EGLN3: variants seen among roughly 807,000 people sequenced by gnomAD.
EGLN3 encodes the protein prolyl hydroxylase EGLN3.
EGLN3 carries 15 observed loss-of-function variants against 26.0 expected under a neutral mutation model. The ratio of observed to expected loss-of-function variants is 0.58; its 90% CI spans 0.39 to 0.89. The LOEUF is 0.89. EGLN3 is among the 40% of genes least tolerant of loss of function. The pLI is 0.00. For missense variants in EGLN3, 238 were observed against 311.6 expected (o/e 0.76, Z 1.78); for synonymous variants, 147 against 127.2 (o/e 1.16, Z -1.05).
chr14:33,934,258 C>T (rs187830321), intron 1 of EGLN3, among the ~76,000 whole-genome samples: 95 of 152,206 alleles, frequency 6.2e-4, no homozygotes, highest in African/African-American at 1.1e-3. Context: ...TGAATCAGGC[C>T]GGCCCAGGCT....
At chr14:33,930,308 G>A (rs374541443) in intron 2 of EGLN3, among the ~76,000 whole-genome samples, 1 of 152,150 alleles carries the variant, frequency 6.6e-6, no homozygotes, top group African/African-American at 2.4e-5. Flanking sequence ...GAAGAGATAG[G>A]CCTTTTCACT....
At chr14:33,931,326 A>ACAGG in intron 1 of EGLN3, 111 bp from the exon 2 acceptor site, 1 of 1,507,764 alleles carries the variant, frequency 6.6e-7, no homozygotes, top group Admixed American at 2.0e-5. Context: ...CGTGACATTT[A>ACAGG]CAGGTAGTTG....
At chr14:33,930,997 A>G in intron 2 of EGLN3, 99 bp downstream of exon 2, 3 of 1,503,880 alleles carry the variant, frequency 2.0e-6, no homozygotes, top group Non-Finnish European at 2.7e-6. Context: ...AGTGGGAGAT[A>G]CGGCAACTAT....
Position 33,951,073 on chromosome 14 carries a change from A to G in EGLN3, c.-321T>C. 3.4e-6 allele frequency: 1 copy of G among 297,192 alleles called. No individual in the cohort carries two copies. The highest frequency in any genetic ancestry group is 6.2e-6 in the Non-Finnish European group (1 of 160,690). The allele number at this position is 297,192 out of a possible 1,614,324, so 18.4% of individuals were successfully genotyped here. On this transcript the variant is annotated 5_prime_UTR_variant, in exon 1 of 5. Coordinates refer to ENST00000250457, the MANE Select transcript of EGLN3 (RefSeq NM_022073.4). The stretch of plus-strand genomic sequence containing the variant: ...AGCCACCACTGCCGCGACTGCGGCC[A>G]GACTCCGGGAGACGCTGAGGTCCGG...
rs35056523 is a variant in EGLN3 at position 33,942,295 on chromosome 14, T to TAA, written c.357+8099_357+8100dup. Among the ~76,000 whole-genome samples, 64 of 140,050 alleles carry TAA rather than the reference T, an allele frequency of 4.6e-4. No individual in the cohort carries two copies. In the East Asian group the frequency reaches 6.5e-3, roughly 14 times the overall value. The allele number at this position is 140,050 out of a possible 152,430, so 91.9% of individuals were successfully genotyped here. The stretch of plus-strand genomic sequence containing the variant: ...ACTAAGAAAGGAAAGAAAGTTTAGT[T>TAA]AAAAAAAAAAAAAAGACAACTTGAG... On this transcript the variant is annotated intron_variant, in intron 1 of 4. Coordinates refer to ENST00000250457, the MANE Select transcript of EGLN3 (RefSeq NM_022073.4).
In EGLN3 at chr14:33,931,182, C is replaced by A; in HGVS notation, c.391G>T (p.Gly131Cys). 1 of 1,614,176 alleles carries A rather than the reference C, an allele frequency of 6.2e-7. No individual in the cohort carries two copies. Among genetic ancestry groups the A allele is most frequent in the Non-Finnish European group, 8.5e-7 (1 of 1,180,020 alleles). The change falls in exon 2 of 5, where the codon GGT becomes TGT. Residue 131 changes from glycine (G) to cysteine (C), a missense_variant. Physicochemically the swap from Gly to Cys is radical, Grantham distance 159 (BLOSUM62 -3). Coordinates refer to ENST00000250457, the MANE Select transcript of EGLN3 (RefSeq NM_022073.4). Reference sequence around the variant, plus strand: ...GGGTTGTCCACGTGGCGAACATAACCTGTTCCATTTCCCGGATAGCAAGCC... The same window carrying A: ...GGGTTGTCCACGTGGCGAACATAACATGTTCCATTTCCCGGATAGCAAGCC... ...MVACYPGNGTGYVRHVDNPNG... is the reference protein window; with the variant it reads ...MVACYPGNGTCYVRHVDNPNG...
chr14:33,928,903 T>G (rs2064381016), intron 3 of EGLN3, among the ~76,000 whole-genome samples, 173 bp downstream of exon 3: 1 of 152,246 alleles, frequency 6.6e-6, no homozygotes, highest in South Asian at 2.1e-4. Flanking sequence ...AGGTTTGATA[T>G]GCTAAAGAAC....
chr14:33,945,001 C>A (rs759769362), intron 1 of EGLN3, among the ~76,000 whole-genome samples: 27 of 152,310 alleles, frequency 1.8e-4, no homozygotes, highest in African/African-American at 4.6e-4. Context: ...AGACAAAAAA[C>A]CCCATGAAAA....
rs550869391 is a variant in EGLN3, at chr14:33,934,859, T to C, written c.358-3644A>G. On this transcript the variant is annotated intron_variant, in intron 1 of 4. Coordinates refer to ENST00000250457, the MANE Select transcript of EGLN3 (RefSeq NM_022073.4). The stretch of plus-strand genomic sequence containing the variant: ...TTAACTCACCAAATTAAAGTACTAA[T>C]TAGATCTCATTTTATTTGCAAAATT... 3.3e-5 allele frequency among the ~76,000 whole-genome samples: 5 copies of C among 152,378 alleles called. No individual in the cohort carries two copies. In the South Asian group the frequency reaches 1.0e-3, roughly 32 times the overall value.
chr14:33,925,647 T>A lies in EGLN3; in HGVS notation c.*244A>T, dbSNP rs542530721. ...TCTATCAGGTAAACCGCTGGCCGAG[T>A]AGGATGTCTGCAGGAATTTCTGGAG... On this transcript the variant is annotated 3_prime_UTR_variant, in exon 5 of 5. Coordinates refer to ENST00000250457, the MANE Select transcript of EGLN3 (RefSeq NM_022073.4). 3.7e-6 allele frequency: 2 copies of A among 533,510 alleles called. No individual in the cohort carries two copies. The highest frequency in any genetic ancestry group is 6.3e-5 in the East Asian group (2 of 31,790). 33.0% of individuals were successfully genotyped at this position (533,510 alleles called of 1,614,324 possible).
intron 1 of EGLN3, chr14:33,949,081 A>C (rs1447291356): frequency 1.3e-5 from 2 of 152,258 alleles, no homozygotes; most frequent in African/African-American, 4.8e-5. Flanking sequence ...AAAATTTAGA[A>C]AGCAGTATCT....
chr14:33,942,051 G>A (rs961419910), intron 1 of EGLN3, among the ~76,000 whole-genome samples: 11 of 152,232 alleles, frequency 7.2e-5, no homozygotes, highest in African/African-American at 1.9e-4. Context: ...TAATGAAGAA[G>A]GAGCATGGTT....
At position 33,925,617 on chromosome 14, in the gene EGLN3, C is replaced by T. The variant is rs2064356492; in HGVS notation, c.*274G>A. 4 of 464,998 alleles carry T rather than the reference C, an allele frequency of 8.6e-6. No individual in the cohort carries two copies. In the Admixed American group the frequency reaches 1.4e-4, roughly 16 times the overall value. The allele number at this position is 464,998 out of a possible 1,614,324, so 28.8% of individuals were successfully genotyped here. ...CTAGGCTCTTCTCTTGATAGTATTA[C>T]CGAATCTATCAGGTAAACCGCTGGC... On this transcript the variant is annotated 3_prime_UTR_variant, in exon 5 of 5. Transcript: ENST00000250457.
At chr14:33,938,256 G>A (rs1366039664) in intron 1 of EGLN3, among the ~76,000 whole-genome samples, 1 of 152,146 alleles carries the variant, frequency 6.6e-6, no homozygotes, top group Non-Finnish European at 1.5e-5. Flanking sequence ...CCTCCCCCAA[G>A]AAGCCACTGA....
Position 33,950,935 on chromosome 14 carries a change from G to A in EGLN3, c.-183C>T. The A allele has an allele frequency of 1.6e-6, 1 of 632,246 alleles. No homozygotes were observed. Among genetic ancestry groups the A allele is most frequent in the South Asian group, 1.9e-5 (1 of 52,062 alleles). The allele number at this position is 632,246 out of a possible 1,614,324, so 39.2% of individuals were successfully genotyped here. The stretch of plus-strand genomic sequence containing the variant: ...AGTTTCTCGCAACTCTCGGGAGAAG[G>A]GATCTGCCTTCGGGAACCAGCGGGA... On this transcript the variant is annotated 5_prime_UTR_variant, in exon 1 of 5. Coordinates refer to ENST00000250457, the MANE Select transcript of EGLN3 (RefSeq NM_022073.4).
chr14:33,925,788 G>T lies in EGLN3; in HGVS notation c.*103C>A. ...TGTGAAGGATGCAAGAAGTAGCAGGGAGATTGTTGTCACTGAAGAGGCCAT... is the reference window on the plus strand; with the variant it reads ...TGTGAAGGATGCAAGAAGTAGCAGGTAGATTGTTGTCACTGAAGAGGCCAT... On this transcript the variant is annotated 3_prime_UTR_variant, in exon 5 of 5. Coordinates refer to ENST00000250457, the MANE Select transcript of EGLN3 (RefSeq NM_022073.4). 7.6e-7 allele frequency: 1 copy of T among 1,317,306 alleles called. No individual in the cohort carries two copies. Among genetic ancestry groups the T allele is most frequent in the Non-Finnish European group, 1.1e-6 (1 of 915,854 alleles). 81.6% of individuals were successfully genotyped at this position (1,317,306 alleles called of 1,614,324 possible). A position where few individuals can be genotyped will look rare whatever the true frequency, so the allele number is the denominator to read the frequency against.
At position 33,931,126 on chromosome 14, in the gene EGLN3, G is replaced by T; in HGVS notation, c.447C>A (p.Ile149=). ...PNGDGRCITC[I]YYLNKNWDAK... ...CATCCCAATTCTTGTTCAGATAGTA[G>T]ATGCAGGTGATGCAGCGACCATCAC... The change falls in exon 2 of 5, where the codon ATC becomes ATA. Residue 149 remains isoleucine (I), a synonymous_variant. Coordinates refer to ENST00000250457, the MANE Select transcript of EGLN3 (RefSeq NM_022073.4). 1 of 1,614,170 alleles carries T rather than the reference G, an allele frequency of 6.2e-7. No homozygotes were observed. The highest frequency in any genetic ancestry group is 8.5e-7 in the Non-Finnish European group (1 of 1,180,026).
At chr14:33,949,999 T>C (rs778929884) in intron 1 of EGLN3, 1 of 453,076 alleles carries the variant, frequency 2.2e-6, no homozygotes, top group African/African-American at 2.0e-5. Flanking sequence ...CAGTATTAGG[T>C]GGCTTTAAAG....
At chr14:33,939,214 T>G (rs957501827) in intron 1 of EGLN3, among the ~76,000 whole-genome samples, 1 of 151,732 alleles carries the variant, frequency 6.6e-6, no homozygotes, top group Non-Finnish European at 1.5e-5. Flanking sequence ...TCATCTTTTT[T>G]TTTTTTTCTT....
Sources: gnomAD v4.1 joint callset for allele counts (sites outside exome capture counted in the v4.1 genomes callset) on GRCh38, gnomAD v4.1.1 for gene constraint, MANE v1.5 for transcripts, NCBI Gene and HGNC (gene_info 2026-07-23, HGNC 2026-07-21) for gene names.